ELOC: variants seen among roughly 807,000 people sequenced by gnomAD.
The protein encoded by ELOC is elongin C, also known as elongin-C.
For synonymous variants in ELOC, 40 were observed against 51.3 expected (o/e 0.78, Z 0.94); for missense variants, 38 against 139.0 (o/e 0.27, Z 3.65).
rs939646310 is a variant in ELOC at position 73,945,656 on chromosome 8, T to C, written c.*974A>G. 3 of 152,208 alleles carry C rather than the reference T, an allele frequency of 2.0e-5. No individual in the cohort carries two copies. In the East Asian group the frequency reaches 5.8e-4, roughly 29 times the overall value. The allele number at this position is 152,208 out of a possible 1,614,324, so 9.4% of individuals were successfully genotyped here. On this transcript the variant is annotated 3_prime_UTR_variant, in exon 4 of 4. Transcript: ENST00000520242. ...GATTATGGGTATATTTATTGGGACA[T>C]ATTTTAATAGAAGATAATTCATGTA...
At chr8:73,947,952 G>A (rs1190829621) in intron 3 of ELOC, among the ~76,000 whole-genome samples, 1 of 152,108 alleles carries the variant, frequency 6.6e-6, no homozygotes, top group African/African-American at 2.4e-5. Context: ...CCAGCACTTT[G>A]GGAGGCTGAG....
intron 1 of ELOC, 89 bp from the exon 2 acceptor site, chr8:73,959,907 T>C (rs1373697013): frequency 5.2e-6 from 3 of 573,242 alleles, no homozygotes; most frequent in Non-Finnish European, 8.5e-6. Context: ...TGTTAAAAGT[T>C]TAAGAACTCT....
At chr8:73,951,645 C>CTCA (rs2131082025) in intron 3 of ELOC, among the ~76,000 whole-genome samples, 1 of 87,034 alleles carries the variant, frequency 1.1e-5, no homozygotes, top group South Asian at 3.9e-4. Flanking sequence ...AACAAAAAAC[C>CTCA]CCACAACAAC....
chr8:73,964,863 T>TA (rs1465538273), intron 1 of ELOC, among the ~76,000 whole-genome samples: 1 of 151,824 alleles, frequency 6.6e-6, no homozygotes, highest in African/African-American at 2.4e-5. Context: ...CCCGTTTCTA[T>TA]AAAAAATAGA....
chr8:73,953,241 G>A (rs1368582941), intron 3 of ELOC, among the ~76,000 whole-genome samples: 14 of 152,146 alleles, frequency 9.2e-5, no homozygotes, highest in Admixed American at 8.5e-4. Context: ...GGGAGGTGGA[G>A]GTTGCGGTGA....
chr8:73,954,151 A>G (rs926075456), intron 3 of ELOC, among the ~76,000 whole-genome samples: 15 of 152,218 alleles, frequency 9.9e-5, no homozygotes, highest in African/African-American at 3.1e-4. Flanking sequence ...TAGAAAGCAG[A>G]CTGGTGGTAG....
At chr8:73,957,790 AT>A (rs1242379601) in intron 2 of ELOC, among the ~76,000 whole-genome samples, 2 of 152,042 alleles carry the variant, frequency 1.3e-5, no homozygotes, top group Admixed American at 6.6e-5. Context: ...TTGTTTATTT[AT>A]TTTTATTTTT....
upstream of ELOC, chr8:73,972,234 G>C (rs918941962): frequency 1.3e-5 from 2 of 152,402 alleles, no homozygotes; most frequent in African/African-American, 2.4e-5. Flanking sequence ...CGACGCGCGG[G>C]AGATCCGTAC....
intron 3 of ELOC, among the ~76,000 whole-genome samples, chr8:73,949,703 C>T (rs1161208141): frequency 6.6e-6 from 1 of 152,150 alleles, no homozygotes; most frequent in Non-Finnish European, 1.5e-5. Context: ...TGTCGAGGTG[C>T]ATACGGACTG....
intron 1 of ELOC, among the ~76,000 whole-genome samples, chr8:73,968,799 C>T (rs944517318): frequency 2.0e-5 from 3 of 152,204 alleles, no homozygotes; most frequent in African/African-American, 7.2e-5. Context: ...CCCACCAGTC[C>T]ATTTTAGGGG....
chr8:73,953,119 A>T (rs1813885225), intron 3 of ELOC, among the ~76,000 whole-genome samples: 1 of 152,100 alleles, frequency 6.6e-6, no homozygotes, highest in African/African-American at 2.4e-5. Context: ...AGCCTGGCCA[A>T]CACAGTGAGA....
At chr8:73,966,084 G>GA (rs1814950341) in intron 1 of ELOC, among the ~76,000 whole-genome samples, 1 of 152,248 alleles carries the variant, frequency 6.6e-6, no homozygotes, top group Admixed American at 6.5e-5. Flanking sequence ...AGTGTTGTTG[G>GA]AAATCAGTTT....
chr8:73,956,946 C>A (rs547783836), intron 2 of ELOC, among the ~76,000 whole-genome samples: 2 of 152,062 alleles, frequency 1.3e-5, no homozygotes, highest in East Asian at 3.9e-4. Context: ...TCGAGACCAT[C>A]CTGGCTAACA....
intron 3 of ELOC, chr8:73,955,622 A>T (rs1814120969): frequency 1.1e-5 from 3 of 276,582 alleles, no homozygotes; most frequent in Non-Finnish European, 2.1e-5. Flanking sequence ...AAAAAAAAAA[A>T]TTAGCCAGGG....
chr8:73,964,274 A>T (rs1586616524), intron 1 of ELOC, among the ~76,000 whole-genome samples: 1 of 150,750 alleles, frequency 6.6e-6, no homozygotes, highest in South Asian at 2.1e-4. Flanking sequence ...AGATAAGCAC[A>T]GATTTCCTGA....
intron 3 of ELOC, among the ~76,000 whole-genome samples, chr8:73,947,360 A>G (rs931405622): frequency 6.6e-6 from 1 of 152,122 alleles, no homozygotes; most frequent in African/African-American, 2.4e-5. Flanking sequence ...CAGGAAGAAG[A>G]TGGCCATGTA....
chr8:73,962,531 C>A (rs1248866167), intron 1 of ELOC, among the ~76,000 whole-genome samples: 1 of 151,600 alleles, frequency 6.6e-6, no homozygotes, highest in South Asian at 2.1e-4. Flanking sequence ...TTATTATTTT[C>A]TTTTCATTAT....
chr8:73,949,624 T>G (rs935899158), intron 3 of ELOC, among the ~76,000 whole-genome samples: 1 of 152,216 alleles, frequency 6.6e-6, no homozygotes, highest in African/African-American at 2.4e-5. Context: ...TTACCTACTC[T>G]GGATATTTCA....
intron 1 of ELOC, among the ~76,000 whole-genome samples, chr8:73,967,069 T>C (rs1815032450): frequency 6.6e-6 from 1 of 152,184 alleles, no homozygotes; most frequent in African/African-American, 2.4e-5. Context: ...TGGCTTTACA[T>C]ATAAAAGCAC....
Sources: gnomAD v4.1 joint callset for allele counts (sites outside exome capture counted in the v4.1 genomes callset) on GRCh38, gnomAD v4.1.1 for gene constraint, MANE v1.5 for transcripts, NCBI Gene and HGNC (gene_info 2026-07-23, HGNC 2026-07-21) for gene names.